The following SPATS2 variants were observed in gnomAD, a reference collection of about 807,000 sequenced individuals.
The protein encoded by SPATS2 is spermatogenesis associated serine rich 2, also known as spermatogenesis-associated serine-rich protein 2.
SPATS2 carries 38 observed loss-of-function variants against 63.7 expected under a neutral mutation model. The ratio of observed to expected loss-of-function variants is 0.60; its 90% CI spans 0.46 to 0.78. SPATS2 has a LOEUF of 0.78. Among genes scored for constraint, SPATS2 ranks in the 30% least tolerant of loss-of-function variants. The pLI is 0.00. For synonymous variants in SPATS2, 207 were observed against 232.9 expected (o/e 0.89, Z 1.01); for missense variants, 588 against 666.2 (o/e 0.88, Z 1.29).
At chr12:49,416,512 G>C (rs1404085689) in intron 2 of SPATS2, among the ~76,000 whole-genome samples, 1 of 149,916 alleles carries the variant, frequency 6.7e-6, no homozygotes, top group Admixed American at 6.9e-5. Context: ...TTTTGAGATG[G>C]AGTCTCGTTC....
chr12:49,522,687 C>A, intron 11 of SPATS2, 64 bp from the exon 12 acceptor site: 1 of 1,305,980 alleles, frequency 7.7e-7, no homozygotes, highest in Non-Finnish European at 1.1e-6. Flanking sequence ...ATCTGTATAG[C>A]AAGTTATAGA....
chr12:49,428,932 A>G (rs1945131904), intron 2 of SPATS2, among the ~76,000 whole-genome samples: 1 of 152,116 alleles, frequency 6.6e-6, no homozygotes, highest in African/African-American at 2.4e-5. Context: ...ATCCGTTATG[A>G]AGAGTAATAC....
chr12:49,402,220 G>C (rs1402667119), intron 2 of SPATS2, among the ~76,000 whole-genome samples: 1 of 152,188 alleles, frequency 6.6e-6, no homozygotes, highest in Non-Finnish European at 1.5e-5. Context: ...TATTTAATCA[G>C]GGTTGGTGTT....
At chr12:49,448,175 C>T (rs1592406300) in intron 2 of SPATS2, among the ~76,000 whole-genome samples, 1 of 146,638 alleles carries the variant, frequency 6.8e-6, no homozygotes. Context: ...TCTCACTGTT[C>T]CACCCAGGCT....
At chr12:49,471,761 A>G (rs1303173629) in intron 3 of SPATS2, among the ~76,000 whole-genome samples, 1 of 152,186 alleles carries the variant, frequency 6.6e-6, no homozygotes, top group Non-Finnish European at 1.5e-5. Flanking sequence ...CTCTATACCC[A>G]TTAAACAGTA....
intron 3 of SPATS2, chr12:49,462,144 A>T: frequency 1.7e-6 from 1 of 587,180 alleles, no homozygotes. Context: ...TTAAAACTAG[A>T]GAGTCTTTAT....
At chr12:49,374,766 G>A (rs924864575) in intron 2 of SPATS2, among the ~76,000 whole-genome samples, 21 of 151,976 alleles carry the variant, frequency 1.4e-4, no homozygotes, top group African/African-American at 5.1e-4. Context: ...TTCAAGAGCG[G>A]TCTGGCCAAC....
intron 2 of SPATS2, among the ~76,000 whole-genome samples, chr12:49,437,099 C>T (rs1248224490): frequency 6.6e-6 from 1 of 151,790 alleles, no homozygotes; most frequent in East Asian, 2.0e-4. Flanking sequence ...GGAGGGGCTC[C>T]TCACTTTTCA....
chr12:49,388,790 G>T (rs1318518830), intron 2 of SPATS2, among the ~76,000 whole-genome samples: 5 of 151,428 alleles, frequency 3.3e-5, no homozygotes, highest in Non-Finnish European at 7.4e-5. Flanking sequence ...AACCTCCCAG[G>T]CTCAAGTGAT....
At chr12:49,402,942 G>C (rs533480511) in intron 2 of SPATS2, among the ~76,000 whole-genome samples, 1 of 152,282 alleles carries the variant, frequency 6.6e-6, no homozygotes, top group African/African-American at 2.4e-5. Context: ...GCAAAAGAGT[G>C]AAGGGACCAT....
At chr12:49,376,709 ATTTTTT>A (rs33952223) in intron 2 of SPATS2, among the ~76,000 whole-genome samples, 1 of 55,770 alleles carries the variant, frequency 1.8e-5, no homozygotes, top group Non-Finnish European at 3.0e-5. Context: ...TGTTTTGTTG[ATTTTTT>A]TTTTTTTTTT....
intron 8 of SPATS2, 66 bp from the exon 9 acceptor site, chr12:49,500,004 C>G: frequency 8.0e-7 from 1 of 1,250,484 alleles, no homozygotes; most frequent in Non-Finnish European, 1.0e-6. Context: ...TGTTCAGATC[C>G]GACTTTCAAG....
At chr12:49,474,869 A>G (rs1946093151) in intron 3 of SPATS2, among the ~76,000 whole-genome samples, 1 of 152,226 alleles carries the variant, frequency 6.6e-6, no homozygotes, top group Non-Finnish European at 1.5e-5. Flanking sequence ...TTACAGTTCC[A>G]CGTGACTGGG....
chr12:49,444,594 A>G (rs1945479590), intron 2 of SPATS2, among the ~76,000 whole-genome samples: 1 of 152,022 alleles, frequency 6.6e-6, no homozygotes, highest in African/African-American at 2.4e-5. Flanking sequence ...GTATATAGAT[A>G]TACCATTACT....
chr12:49,428,750 A>C (rs146785030), intron 2 of SPATS2, among the ~76,000 whole-genome samples: 1 of 152,188 alleles, frequency 6.6e-6, no homozygotes, highest in African/African-American at 2.4e-5. Context: ...TGCTTTTTCT[A>C]TATGCTTGGA....
intron 9 of SPATS2, among the ~76,000 whole-genome samples, chr12:49,503,815 A>G (rs953673075): frequency 6.6e-6 from 1 of 152,114 alleles, no homozygotes; most frequent in African/African-American, 2.4e-5. Context: ...TCCGGGAGAG[A>G]GATTTGTGAA....
intron 3 of SPATS2, among the ~76,000 whole-genome samples, chr12:49,482,543 G>C (rs1038867984): frequency 6.6e-6 from 1 of 152,192 alleles, no homozygotes; most frequent in Non-Finnish European, 1.5e-5. Flanking sequence ...AGCAAAAACA[G>C]TAACAAGAGG....
At chr12:49,455,113 A>AT (rs1178474940) in intron 2 of SPATS2, among the ~76,000 whole-genome samples, 1 of 152,040 alleles carries the variant, frequency 6.6e-6, no homozygotes, top group African/African-American at 2.4e-5. Context: ...ATTAAAAAAA[A>AT]TTTTAAAGTC....
chr12:49,401,760 C>T (rs776860429), intron 2 of SPATS2, among the ~76,000 whole-genome samples: 14 of 152,022 alleles, frequency 9.2e-5, no homozygotes, highest in African/African-American at 2.9e-4. Flanking sequence ...TGCAGTGGCA[C>T]GATCTCAGCT....
Sources: allele counts gnomAD v4.1 joint callset (sites outside exome capture counted in the v4.1 genomes callset), GRCh38; gene constraint gnomAD v4.1.1; transcripts MANE v1.5; gene names NCBI Gene and HGNC (gene_info 2026-07-23, HGNC 2026-07-21).